TTC21B: variants seen among roughly 807,000 people sequenced by gnomAD.
TTC21B encodes the protein tetratricopeptide repeat domain 21B.
In TTC21B, 127 loss-of-function variants were observed where a neutral mutation model predicts 175.1. The ratio of observed to expected loss-of-function variants is 0.73; its 90% CI spans 0.63 to 0.84. The LOEUF is 0.84. Among genes scored for constraint, TTC21B ranks in the 40% least tolerant of loss-of-function variants. The pLI, the probability that TTC21B is intolerant of heterozygous loss-of-function variation, is 0.00. For missense variants in TTC21B, 1,561 were observed against 1,558.3 expected, an observed-to-expected ratio of 1.00 and a Z score of -0.03; for synonymous variants, 524 against 524.5, an observed-to-expected ratio of 1.00 and a Z score of 0.01.
chr2:165,929,933 T>C (rs1686824060), intron 9 of TTC21B, among the ~76,000 whole-genome samples, 186 bp from the exon 10 acceptor site: 1 of 152,076 alleles, frequency 6.6e-6, no homozygotes, highest in Non-Finnish European at 1.5e-5. Context: ...CCTTGGACCT[T>C]ATAAAATCAT....
chr2:165,884,579 ATAAT>A (rs1262624089), intron 25 of TTC21B, among the ~76,000 whole-genome samples: 1 of 152,216 alleles, frequency 6.6e-6, no homozygotes, highest in Non-Finnish European at 1.5e-5. Context: ...AATAAGGCAT[ATAAT>A]TAATTCACCA....
chr2:165,926,792 C>T (rs1372291844), intron 11 of TTC21B, among the ~76,000 whole-genome samples: 1 of 151,630 alleles, frequency 6.6e-6, no homozygotes. Flanking sequence ...CAGGCTTAGC[C>T]TCCCAGTCTA....
chr2:165,875,187 C>A (rs1267549682), intron 28 of TTC21B, among the ~76,000 whole-genome samples: 1 of 152,142 alleles, frequency 6.6e-6, no homozygotes, highest in Non-Finnish European at 1.5e-5. Flanking sequence ...GACTTTTATA[C>A]AGCAGCACAC....
intron 27 of TTC21B, among the ~76,000 whole-genome samples, chr2:165,877,915 A>G (rs1684719956): frequency 6.6e-6 from 1 of 152,144 alleles, no homozygotes; most frequent in Admixed American, 6.5e-5. Context: ...GACATTCAAA[A>G]AGTAAAGCAA....
chr2:165,888,080 T>C (rs1267069505), intron 25 of TTC21B, among the ~76,000 whole-genome samples, 199 bp downstream of exon 25: 1 of 152,196 alleles, frequency 6.6e-6, no homozygotes, highest in Non-Finnish European at 1.5e-5. Flanking sequence ...GAGAGAAATA[T>C]ATCAACAACA....
chr2:165,904,009 T>C (rs73018800), intron 19 of TTC21B, among the ~76,000 whole-genome samples: 1,523 of 152,272 alleles, frequency 0.01, 33 homozygotes, highest in African/African-American at 0.034. Context: ...AAATTGATTA[T>C]AGTTTGGGGT....
chr2:165,906,097 G>A (rs1685720806), intron 19 of TTC21B, among the ~76,000 whole-genome samples: 1 of 151,730 alleles, frequency 6.6e-6, no homozygotes, highest in Non-Finnish European at 1.5e-5. Flanking sequence ...GGTCCAAGAA[G>A]CAATCAAAGT....
intron 16 of TTC21B, 75 bp from the exon 17 acceptor site, chr2:165,912,699 T>C (rs1160282767): frequency 1.1e-5 from 11 of 1,020,068 alleles, no homozygotes; most frequent in Admixed American, 5.1e-5. Flanking sequence ...AACAGTTCTA[T>C]AATTAATCTC....
chr2:165,881,864 A>C (rs1684847404), intron 26 of TTC21B, among the ~76,000 whole-genome samples: 2 of 152,150 alleles, frequency 1.3e-5, no homozygotes, highest in Non-Finnish European at 2.9e-5. Context: ...ATTTATACCT[A>C]AACTTAATTT....
At chr2:165,919,571 G>C in intron 12 of TTC21B, 138 bp from the exon 13 acceptor site, 3 of 892,174 alleles carry the variant, frequency 3.4e-6, no homozygotes, top group Non-Finnish European at 5.3e-6. Flanking sequence ...ATAGGCCATG[G>C]TTTAATTCCA....
intron 22 of TTC21B, among the ~76,000 whole-genome samples, chr2:165,893,328 GGAT>G (rs1685257233): frequency 6.6e-6 from 1 of 152,060 alleles, no homozygotes. Flanking sequence ...AAGCTATATT[GGAT>G]TAAGCAAGAA....
At chr2:165,906,955 CAAAAAAA>C (rs1160627145) in intron 19 of TTC21B, among the ~76,000 whole-genome samples, 46 of 60,264 alleles carry the variant, frequency 7.6e-4, no homozygotes, top group Admixed American at 1.7e-3. Context: ...AACTCCGTCT[CAAAAAAA>C]AAAAAAAAAA....
intron 22 of TTC21B, among the ~76,000 whole-genome samples, chr2:165,896,904 G>GT: frequency 6.6e-6 from 1 of 152,188 alleles, no homozygotes; most frequent in East Asian, 1.9e-4. Context: ...TGTTTGTTTT[G>GT]TTTTTAATAA....
In TTC21B at chr2:165,953,721, G is replaced by C. The variant is rs886055030; in HGVS notation, c.-16C>G. 1.5e-5 allele frequency: 23 copies of C among 1,540,222 alleles called. No individual in the cohort carries two copies. Among genetic ancestry groups the C allele is most frequent in the African/African-American group, 4.5e-5 (3 of 66,588 alleles). Reference sequence around the variant, plus strand: ...GCGAGTCCATGGCTGCCCCGAGGCCGGGCCGCGGGGCTCTGGGGATTGTCT... The same window carrying C: ...GCGAGTCCATGGCTGCCCCGAGGCCCGGCCGCGGGGCTCTGGGGATTGTCT... On this transcript the variant is annotated 5_prime_UTR_variant, in exon 1 of 29. Coordinates refer to ENST00000243344, the MANE Select transcript of TTC21B (RefSeq NM_024753.5).
At chr2:165,895,121 T>G (rs183857559) in intron 22 of TTC21B, among the ~76,000 whole-genome samples, 1 of 152,172 alleles carries the variant, frequency 6.6e-6, no homozygotes, top group East Asian at 1.9e-4. Flanking sequence ...ATATTTTAGA[T>G]TATGTGTTTG....
chr2:165,906,450 A>G (rs1017385026), intron 19 of TTC21B, among the ~76,000 whole-genome samples: 4 of 152,030 alleles, frequency 2.6e-5, no homozygotes, highest in African/African-American at 9.7e-5. Context: ...TGTAAAAGGG[A>G]CCTTTTTCAC....
intron 22 of TTC21B, among the ~76,000 whole-genome samples, chr2:165,892,222 A>C (rs945252483): frequency 6.6e-6 from 1 of 152,170 alleles, no homozygotes. Context: ...TAAATAAGCT[A>C]TTCTGAACAT....
chr2:165,907,962 T>G (rs1327695824), intron 18 of TTC21B, among the ~76,000 whole-genome samples, 178 bp from the exon 19 acceptor site: 2 of 151,886 alleles, frequency 1.3e-5, no homozygotes, highest in African/African-American at 4.8e-5. Flanking sequence ...AAAGAAAAGA[T>G]TTAGGATAAA....
intron 6 of TTC21B, among the ~76,000 whole-genome samples, chr2:165,940,292 C>A (rs944028866): frequency 6.6e-6 from 1 of 152,156 alleles, no homozygotes; most frequent in African/African-American, 2.4e-5. Context: ...GTCTGTTTTG[C>A]ACATGGCAGA....
Sources: gnomAD v4.1 joint callset for allele counts (sites outside exome capture counted in the v4.1 genomes callset) on GRCh38, gnomAD v4.1.1 for gene constraint, MANE v1.5 for transcripts, NCBI Gene and HGNC (gene_info 2026-07-23, HGNC 2026-07-21) for gene names.